The following MAP4K4 variants were observed in gnomAD, a reference collection of about 807,000 sequenced individuals.
MAP4K4 encodes HPK/GCK-like kinase HGK.
MAP4K4 carries 38 observed loss-of-function variants against 189.6 expected under a neutral mutation model. The ratio of observed to expected loss-of-function variants is 0.20; its 90% confidence interval spans 0.15 to 0.26. The LOEUF (loss-of-function observed/expected upper bound fraction) is 0.26, where lower values mean the gene tolerates loss of function less well. Ranked by LOEUF, MAP4K4 falls within the 10% of genes least tolerant of loss-of-function variation. The probability of loss-of-function intolerance (pLI) is 1.00; values close to 1 mark genes in which losing one functional copy is unlikely to be tolerated. For missense variants in MAP4K4, 1,054 were observed against 1,726.9 expected (o/e 0.61, Z 6.91); for synonymous variants, 610 against 624.3 (o/e 0.98, Z 0.34).
chr2:101,709,554 A>G (rs2044263702), intron 2 of MAP4K4, among the ~76,000 whole-genome samples: 1 of 152,210 alleles, frequency 6.6e-6, no homozygotes, highest in African/African-American at 2.4e-5. Context: ...CGCTATGAAG[A>G]CAAACTATTC....
At chr2:101,718,511 G>T (rs893642612) in intron 2 of MAP4K4, among the ~76,000 whole-genome samples, 1 of 148,334 alleles carries the variant, frequency 6.7e-6, no homozygotes, top group Non-Finnish European at 1.5e-5. Context: ...GTAAGATGTG[G>T]TTTGGCAGAG....
intron 2 of MAP4K4, among the ~76,000 whole-genome samples, chr2:101,763,347 AAC>A (rs1429969759): frequency 6.6e-6 from 1 of 152,182 alleles, no homozygotes; most frequent in Non-Finnish European, 1.5e-5. Context: ...AGAGAAAGAA[AAC>A]ACAGTTAAGT....
chr2:101,875,491 G>A (rs1252008476), intron 26 of MAP4K4, among the ~76,000 whole-genome samples: 1 of 152,050 alleles, frequency 6.6e-6, no homozygotes. Context: ...GGCATGAACA[G>A]AGAGAGGGCT....
intron 2 of MAP4K4, among the ~76,000 whole-genome samples, chr2:101,731,172 A>G (rs1351484521): frequency 3.3e-5 from 5 of 151,906 alleles, no homozygotes; most frequent in Admixed American, 1.3e-4. Context: ...GCTGGAGTGC[A>G]GTGGCGCGAT....
At chr2:101,859,844 C>T in exon 15 of MAP4K4, 1 of 1,607,566 alleles carries the variant, frequency 6.2e-7, no homozygotes, top group Non-Finnish European at 8.5e-7. Context: ...CCACTACGAG[C>T]CTGCTGACCG....
intron 2 of MAP4K4, among the ~76,000 whole-genome samples, chr2:101,736,285 G>A (rs918847682): frequency 4.6e-5 from 7 of 152,136 alleles, no homozygotes; most frequent in East Asian, 1.9e-4. Context: ...TCTTTAATGC[G>A]ACTCTAGGCC....
intron 2 of MAP4K4, among the ~76,000 whole-genome samples, chr2:101,738,425 A>G (rs1245931900): frequency 5.3e-5 from 8 of 152,184 alleles, no homozygotes. Context: ...CAGATTTTTA[A>G]AAAAAGCAGT....
Position 101,784,469 on chromosome 2 carries a change from T to A in MAP4K4, c.124-6251T>A, listed in dbSNP as rs545515690. Among the ~76,000 whole-genome samples the A allele has an allele frequency of 3.1e-4, 47 of 152,282 alleles. No homozygotes were observed. In the Middle Eastern group the frequency reaches 0.01, roughly 33 times the overall value. Reference sequence around the variant, plus strand: ...CACTATTAAGCAAATATAAAGCCAATTTCAGGTAATTAATCTCTGAAATTT... The same window carrying A: ...CACTATTAAGCAAATATAAAGCCAAATTCAGGTAATTAATCTCTGAAATTT... On this transcript the variant is annotated intron_variant, in intron 2 of 32. Coordinates refer to ENST00000324219, the Ensembl canonical transcript of MAP4K4.
chr2:101,775,812 A>G (rs2083790076), intron 2 of MAP4K4, among the ~76,000 whole-genome samples: 1 of 152,120 alleles, frequency 6.6e-6, no homozygotes. Flanking sequence ...TTGGGATGAT[A>G]GCTTAATGTG....
chr2:101,891,142 C>G (rs370121619), intron 32 of MAP4K4, 24 bp from the exon 33 acceptor site: 22 of 1,593,748 alleles, frequency 1.4e-5, no homozygotes, highest in Non-Finnish European at 1.8e-5. Context: ...GGTAACCATT[C>G]CCTCTCTTTT....
intron 2 of MAP4K4, among the ~76,000 whole-genome samples, chr2:101,785,199 C>G (rs1016904944): frequency 1.3e-5 from 2 of 152,168 alleles, no homozygotes; most frequent in African/African-American, 4.8e-5. Context: ...ATAAATTTTC[C>G]TTCTCTCCTA....
intron 27 of MAP4K4, among the ~76,000 whole-genome samples, chr2:101,878,387 A>G (rs974168891): frequency 2.0e-5 from 3 of 152,118 alleles, no homozygotes; most frequent in Non-Finnish European, 2.9e-5. Context: ...GTCCATGGCA[A>G]CCTCTTTCCT....
In MAP4K4 at chr2:101,835,993, G is replaced by T. The variant is rs780209520; in HGVS notation, c.773+15G>T. ...TCAAAAAAATGGTAAGCTATATATG[G>T]TTTTTTGTTGTTCTTTTCCCTTTTT... On this transcript the variant is annotated intron_variant, in intron 9 of 32. Coordinates refer to ENST00000324219, the Ensembl canonical transcript of MAP4K4. 5.7e-5 allele frequency: 91 copies of T among 1,583,476 alleles called. 2 individuals carry two copies. The South Asian group carries it at 6.3e-4, about 11-fold the overall frequency.
chr2:101,809,426 T>C lies in MAP4K4; in HGVS notation c.181-14502T>C, dbSNP rs146179211. Reference sequence around the variant, plus strand: ...AATCACCACCATACATATGGTGGTTTAATCGATATATTTTCCCTGATAGAT... The same window carrying C: ...AATCACCACCATACATATGGTGGTTCAATCGATATATTTTCCCTGATAGAT... On this transcript the variant is annotated intron_variant, in intron 3 of 32. Coordinates refer to ENST00000324219, the Ensembl canonical transcript of MAP4K4. Among the ~76,000 whole-genome samples the C allele has an allele frequency of 8.9e-4, 135 of 152,284 alleles. 1 individual carries two copies. The East Asian group carries it at 0.022, about 24-fold the overall frequency.
At chr2:101,762,249 C>T (rs942823613) in intron 2 of MAP4K4, among the ~76,000 whole-genome samples, 1 of 152,172 alleles carries the variant, frequency 6.6e-6, no homozygotes. Flanking sequence ...TGGAAGAAAT[C>T]CTCAGTAAGA....
intron 24 of MAP4K4, 42 bp from the exon 25 acceptor site, chr2:101,873,605 A>T: frequency 9.6e-7 from 1 of 1,039,078 alleles, no homozygotes; most frequent in Non-Finnish European, 1.5e-6. Context: ...GTTCATTTTT[A>T]AAATGCCAGT....
chr2:101,745,339 C>A (rs1029183333), intron 2 of MAP4K4, among the ~76,000 whole-genome samples: 1 of 135,746 alleles, frequency 7.4e-6, no homozygotes, highest in Non-Finnish European at 1.6e-5. Context: ...CCCCCCCCCC[C>A]CCAATACTGC....
intron 2 of MAP4K4, among the ~76,000 whole-genome samples, chr2:101,778,904 A>G (rs1174143877): frequency 6.6e-6 from 1 of 152,052 alleles, no homozygotes; most frequent in Non-Finnish European, 1.5e-5. Context: ...AGCCAGACAC[A>G]CCTGAGTCGG....
chr2:101,848,190 A>G (rs2149661975), intron 12 of MAP4K4, among the ~76,000 whole-genome samples: 1 of 152,356 alleles, frequency 6.6e-6, no homozygotes, highest in South Asian at 2.1e-4. Context: ...ACTGTACTTT[A>G]TATCATCTCT....
Sources: gnomAD v4.1 joint callset for allele counts (sites outside exome capture counted in the v4.1 genomes callset) on GRCh38, gnomAD v4.1.1 for gene constraint, MANE v1.5 for transcripts, NCBI Gene and HGNC (gene_info 2026-07-23, HGNC 2026-07-21) for gene names.